The following KDM5A variants were observed in gnomAD, a reference collection of about 807,000 sequenced individuals.
KDM5A encodes the protein lysine demethylase 5A.
In KDM5A, 42 loss-of-function variants were observed where a neutral mutation model predicts 193.5. The observed-to-expected ratio is 0.22, with a 90% CI of 0.17 to 0.28. The LOEUF is 0.28. Ranked by LOEUF, KDM5A falls within the 10% of genes least tolerant of loss-of-function variation. The pLI, the probability that KDM5A is intolerant of heterozygous loss-of-function variation, is 1.00. For synonymous variants in KDM5A, 796 were observed against 718.1 expected, an observed-to-expected ratio of 1.11 and a Z score of -1.73; for missense variants, 1,692 against 2,055.1, an observed-to-expected ratio of 0.82 and a Z score of 3.42.
intron 21 of KDM5A, 21 bp downstream of exon 21, chr12:310,862 TGA>T (rs761549139): frequency 6.2e-7 from 1 of 1,605,884 alleles, no homozygotes; most frequent in Non-Finnish European, 8.5e-7. Context: ...CAGCTGCTTA[TGA>T]GAGTGTTGAA....
Position 310,996 on chromosome 12 carries a change from C to T in KDM5A, c.3105G>A (p.Val1035=), listed in dbSNP as rs1307190189. The change falls in exon 21 of 28, where the codon GTG becomes GTA. Residue 1035 remains valine (V), a synonymous_variant. Coordinates refer to ENST00000399788, the MANE Select transcript of KDM5A (RefSeq NM_001042603.3). ...SLSAKGRPIP[V]RLEALPQVES... is the part of the protein sequence containing the mutation. ...CCACTTGCGGCAGTGCTTCAAGACG[C>T]ACAGGAATAGGGCGTCCTTTCGCAG... 6.2e-7 allele frequency: 1 copy of T among 1,614,186 alleles called. No individual in the cohort carries two copies.
chr12:346,783 T>C (rs1181486691), intron 10 of KDM5A, among the ~76,000 whole-genome samples: 2 of 152,148 alleles, frequency 1.3e-5, no homozygotes, highest in African/African-American at 2.4e-5. Flanking sequence ...ATAAGAGCTA[T>C]TTATGACAAA....
At chr12:324,688 T>C (rs564363688) in intron 14 of KDM5A, among the ~76,000 whole-genome samples, 3 of 151,550 alleles carry the variant, frequency 2.0e-5, no homozygotes, top group African/African-American at 4.9e-5. Flanking sequence ...GCCTGGCCAA[T>C]ATGGCAAAAC....
chr12:332,168 T>C lies in KDM5A; in HGVS notation c.1654-230A>G, dbSNP rs187950398. Among the ~76,000 whole-genome samples, 264 of 152,274 alleles carry C rather than the reference T, an allele frequency of 1.7e-3. 1 individual carries two copies. The highest frequency in any genetic ancestry group is 3.1e-3 in the Admixed American group (47 of 15,294). On this transcript the variant is annotated intron_variant, in intron 12 of 27. Coordinates refer to ENST00000399788, the MANE Select transcript of KDM5A (RefSeq NM_001042603.3). Reference sequence around the variant, plus strand: ...GACAAGAATTAGCAGCCAAAAGAAATTCTCAAAGAAAAAAACATTACTCTC... The same window carrying C: ...GACAAGAATTAGCAGCCAAAAGAAACTCTCAAAGAAAAAAACATTACTCTC...
At chr12:287,579 G>A (rs1199212253) in intron 27 of KDM5A, among the ~76,000 whole-genome samples, 2 of 151,934 alleles carry the variant, frequency 1.3e-5, no homozygotes, top group Admixed American at 1.3e-4. Context: ...AACACAAAAT[G>A]CTAGCTGTAG....
intron 8 of KDM5A, among the ~76,000 whole-genome samples, chr12:352,641 A>T (rs715228): frequency 6.6e-6 from 1 of 152,042 alleles, no homozygotes; most frequent in Non-Finnish European, 1.5e-5. Flanking sequence ...GATGCCTAAC[A>T]TTCTTGGCAT....
At chr12:340,507 A>G (rs1357849337) in intron 10 of KDM5A, among the ~76,000 whole-genome samples, 1 of 152,074 alleles carries the variant, frequency 6.6e-6, no homozygotes, top group Non-Finnish European at 1.5e-5. Context: ...CAGCCTGGCC[A>G]ACATGGTGAA....
intron 24 of KDM5A, among the ~76,000 whole-genome samples, chr12:297,855 T>A (rs188453640): frequency 6.6e-6 from 1 of 152,324 alleles, no homozygotes; most frequent in Admixed American, 6.5e-5. Flanking sequence ...CATCTCCTTA[T>A]TGGACTGAGA....
At chr12:352,492 T>C (rs374139870) in intron 8 of KDM5A, among the ~76,000 whole-genome samples, 168 bp from the exon 9 acceptor site, 81 of 152,292 alleles carry the variant, frequency 5.3e-4, no homozygotes, top group African/African-American at 1.9e-3. Context: ...CAGGAAGTTA[T>C]TTTCTAGAGC....
At chr12:347,211 T>C (rs1487886170) in intron 10 of KDM5A, among the ~76,000 whole-genome samples, 2 of 152,112 alleles carry the variant, frequency 1.3e-5, no homozygotes, top group African/African-American at 4.8e-5. Flanking sequence ...ACAAGAGATA[T>C]GAAGGACCTC....
chr12:332,567 T>C (rs1292361827), intron 12 of KDM5A, among the ~76,000 whole-genome samples: 1 of 152,212 alleles, frequency 6.6e-6, no homozygotes, highest in East Asian at 1.9e-4. Context: ...AGGCATTAGC[T>C]TGAATTTGAG....
intron 3 of KDM5A, 138 bp downstream of exon 3, chr12:383,893 C>T (rs926657985): frequency 9.8e-6 from 9 of 918,332 alleles, no homozygotes; most frequent in Non-Finnish European, 1.4e-5. Flanking sequence ...GGATTACAGG[C>T]ATGCGCCACC....
chr12:313,897 C>G (rs752679293), intron 19 of KDM5A, among the ~76,000 whole-genome samples: 5 of 151,952 alleles, frequency 3.3e-5, no homozygotes, highest in Non-Finnish European at 7.4e-5. Context: ...TTAAAGAAAC[C>G]AGGAATATAA....
rs1943175092 is a variant in KDM5A, at chr12:283,079, T to G, written c.*2377A>C. On this transcript the variant is annotated 3_prime_UTR_variant, in exon 28 of 28. Transcript: ENST00000399788. ...GAAGGTGACAGGAAGCTATTCATAC[T>G]TTCTCAGCATCCTCATGACTCTCCA... is the stretch of plus-strand genomic sequence containing the variant. 1 of 231,064 alleles carries G rather than the reference T, an allele frequency of 4.3e-6. No individual in the cohort carries two copies. Among genetic ancestry groups the G allele is most frequent in the Non-Finnish European group, 8.6e-6 (1 of 116,766 alleles). The allele number at this position is 231,064 out of a possible 1,614,324, so 14.3% of individuals were successfully genotyped here. A position where few individuals can be genotyped will look rare whatever the true frequency, so the allele number is the denominator to read the frequency against.
intron 3 of KDM5A, among the ~76,000 whole-genome samples, chr12:378,506 C>T (rs530271115): frequency 2.0e-5 from 3 of 152,198 alleles, no homozygotes; most frequent in Admixed American, 6.5e-5. Context: ...CTCAAATGAT[C>T]CTCCTGCCTC....
intron 1 of KDM5A, among the ~76,000 whole-genome samples, chr12:387,732 C>T (rs11062717): frequency 6.6e-6 from 1 of 152,198 alleles, no homozygotes; most frequent in Non-Finnish European, 1.5e-5. Flanking sequence ...CTGTAAAAGG[C>T]GGACTTTATT....
At chr12:303,527 G>C (rs979839100) in intron 24 of KDM5A, among the ~76,000 whole-genome samples, 1 of 152,184 alleles carries the variant, frequency 6.6e-6, no homozygotes, top group African/African-American at 2.4e-5. Context: ...TGCAGGCCTA[G>C]GGGAGGCATA....
intron 8 of KDM5A, among the ~76,000 whole-genome samples, chr12:353,718 C>A (rs768077862): frequency 6.6e-6 from 1 of 151,862 alleles, no homozygotes; most frequent in Non-Finnish European, 1.5e-5. Context: ...GTCAAGAGAC[C>A]GAGACTATCC....
chr12:291,900 G>GTTTTTTTTTTTTTTTTTTTTT (rs571512585), intron 27 of KDM5A, among the ~76,000 whole-genome samples: 1 of 144,772 alleles, frequency 6.9e-6, no homozygotes. Flanking sequence ...TTAAAACAAT[G>GTTTTTTTTTTTTTTTTTTTTT]CTTTTTTTTT....
Sources: allele counts gnomAD v4.1 joint callset (sites outside exome capture counted in the v4.1 genomes callset), GRCh38; gene constraint gnomAD v4.1.1; transcripts MANE v1.5; gene names NCBI Gene and HGNC (gene_info 2026-07-23, HGNC 2026-07-21).